The following SLC35A3 variants were observed in gnomAD, a reference collection of about 807,000 sequenced individuals.
SLC35A3 encodes solute carrier family 35 member A3.
SLC35A3 carries 26 observed loss-of-function variants against 39.0 expected under a neutral mutation model. That is an observed-to-expected ratio of 0.67 (90% CI 0.49 to 0.92). The LOEUF (loss-of-function observed/expected upper bound fraction) is 0.92, where lower values mean the gene tolerates loss of function less well. Ranked by LOEUF, SLC35A3 falls within the 40% of genes least tolerant of loss-of-function variation. The probability of loss-of-function intolerance (pLI) is 0.00; values close to 1 mark genes in which losing one functional copy is unlikely to be tolerated. For synonymous variants in SLC35A3, 135 were observed against 133.1 expected (o/e 1.01, Z -0.10); for missense variants, 299 against 371.6 (o/e 0.80, Z 1.61).
intron 2 of SLC35A3, 26 bp downstream of exon 2, chr1:99,993,767 A>G (rs1340870544): frequency 5.0e-6 from 8 of 1,593,072 alleles, no homozygotes; most frequent in Non-Finnish European, 6.9e-6. Flanking sequence ...TTTTGTTTTT[A>G]ATCAATGCAA....
At chr1:100,005,701 TATG>T (rs1363928327) in intron 3 of SLC35A3, among the ~76,000 whole-genome samples, 2 of 152,224 alleles carry the variant, frequency 1.3e-5, no homozygotes, top group East Asian at 3.8e-4. Context: ...AGTTCTTTTT[TATG>T]ATATCTCTTT....
chr1:100,014,384 C>G (rs571384556), intron 5 of SLC35A3, among the ~76,000 whole-genome samples: 1 of 152,112 alleles, frequency 6.6e-6, no homozygotes, highest in Non-Finnish European at 1.5e-5. Context: ...CCACACCTAA[C>G]TAATTTAAAA....
intron 2 of SLC35A3, among the ~76,000 whole-genome samples, chr1:99,998,698 G>T (rs1384587877): frequency 6.6e-6 from 1 of 152,152 alleles, no homozygotes; most frequent in Non-Finnish European, 1.5e-5. Context: ...GAGAGAGAGC[G>T]CCTGGGTCCC....
chr1:99,996,384 G>C (rs1658398436), intron 2 of SLC35A3, among the ~76,000 whole-genome samples: 3 of 152,106 alleles, frequency 2.0e-5, no homozygotes, highest in Non-Finnish European at 1.5e-5. Flanking sequence ...TAATAGAAAA[G>C]GGGGCAAAGG....
At position 100,027,420 on chromosome 1, in the gene SLC35A3, C is replaced by T; in HGVS notation, c.*4944C>T. 1 of 379,392 alleles carries T rather than the reference C, an allele frequency of 2.6e-6. No individual in the cohort carries two copies. 23.5% of individuals were successfully genotyped at this position (379,392 alleles called of 1,614,324 possible). ...TAAACCATGATGACACTACTGGACT[C>T]TAGCCTGAGTGACAGTGAGACTCTG... On this transcript the variant is annotated 3_prime_UTR_variant, in exon 8 of 8. Coordinates refer to ENST00000533028, the MANE Select transcript of SLC35A3 (RefSeq NM_012243.3).
At chr1:100,017,554 A>C in intron 6 of SLC35A3, 128 bp from the exon 7 acceptor site, 1 of 557,112 alleles carries the variant, frequency 1.8e-6, no homozygotes, top group Admixed American at 3.9e-5. Context: ...GAGATGTTTA[A>C]AATAAATCCC....
Position 99,980,912 on chromosome 1 carries a change from G to A in SLC35A3, c.-19+10750G>A, listed in dbSNP as rs138743345. Reference sequence around the variant, plus strand: ...TGAAAAAGGTTTTTGGATTTTCCACGAGATTATTATGGATTTCAAGTACAA... The same window carrying A: ...TGAAAAAGGTTTTTGGATTTTCCACAAGATTATTATGGATTTCAAGTACAA... On this transcript the variant is annotated intron_variant, in intron 1 of 7. Transcript: ENST00000533028. Among the ~76,000 whole-genome samples, 390 of 152,198 alleles carry A rather than the reference G, an allele frequency of 2.6e-3. 1 individual carries two copies. The highest frequency in any genetic ancestry group is 8.6e-3 in the African/African-American group (356 of 41,516).
chr1:100,025,087 C>A lies in SLC35A3; in HGVS notation c.*2611C>A. ...CCAAGCAAACTTTCTGGATGCCCAA[C>A]ATGATTTTCAGTAACCACCCTTTAG... is the stretch of plus-strand genomic sequence containing the variant. On this transcript the variant is annotated 3_prime_UTR_variant, in exon 8 of 8. Transcript: ENST00000533028. 1 of 169,644 alleles carries A rather than the reference C, an allele frequency of 5.9e-6. No homozygotes were observed. The highest frequency in any genetic ancestry group is 1.2e-5 in the Non-Finnish European group (1 of 80,072). 10.5% of individuals were successfully genotyped at this position (169,644 alleles called of 1,614,324 possible).
intron 4 of SLC35A3, chr1:100,009,087 T>C (rs1659444284): frequency 6.6e-6 from 1 of 152,238 alleles, no homozygotes; most frequent in Admixed American, 6.5e-5. Context: ...ACTGAGTACT[T>C]ATGTGCCAGG....
chr1:100,009,338 A>C (rs1297705905), intron 4 of SLC35A3: 1 of 152,228 alleles, frequency 6.6e-6, no homozygotes, highest in Non-Finnish European at 1.5e-5. Context: ...GTTAAAAAAA[A>C]TACAGATGTC....
intron 1 of SLC35A3, among the ~76,000 whole-genome samples, chr1:99,973,433 A>T (rs919795383): frequency 6.6e-6 from 1 of 152,200 alleles, no homozygotes; most frequent in Admixed American, 6.5e-5. Flanking sequence ...TTAATGAAGG[A>T]GTGTAGTGGT....
At chr1:99,985,956 C>T (rs1347009816) in intron 1 of SLC35A3, among the ~76,000 whole-genome samples, 1 of 152,022 alleles carries the variant, frequency 6.6e-6, no homozygotes, top group African/African-American at 2.4e-5. Context: ...TTTATCAGTT[C>T]TAGGAGCTTT....
rs1430143326 is a variant in SLC35A3, at chr1:100,031,799, T to C, written c.*9323T>C. ...TAAAATCAAGGTTAATGCTTTGTAT[T>C]TGATTGTCTCCTTTGGTCTTGAAGT... On this transcript the variant is annotated 3_prime_UTR_variant, in exon 8 of 8. Transcript: ENST00000533028. The C allele has an allele frequency of 6.6e-6, 1 of 152,216 alleles. No homozygotes were observed. The highest frequency in any genetic ancestry group is 2.4e-5 in the African/African-American group (1 of 41,460). The allele number at this position is 152,216 out of a possible 1,614,324, so 9.4% of individuals were successfully genotyped here.
Position 99,970,702 on chromosome 1 carries a change from A to G in SLC35A3, c.-19+540A>G, listed in dbSNP as rs550869174. ...AGTGGGGTGAGATTCTCATCAGAAC[A>G]GGTGTGTGGGTGCATTGCTTTATAG... is the stretch of plus-strand genomic sequence containing the variant. On this transcript the variant is annotated intron_variant, in intron 1 of 7. Coordinates refer to ENST00000533028, the MANE Select transcript of SLC35A3 (RefSeq NM_012243.3). 5 of 1,218,544 alleles carry G rather than the reference A, an allele frequency of 4.1e-6. No homozygotes were observed. The South Asian group carries it at 5.2e-5, about 13-fold the overall frequency. The allele number at this position is 1,218,544 out of a possible 1,614,324, so 75.5% of individuals were successfully genotyped here.
chr1:100,022,264 T>A, intron 7 of SLC35A3, 122 bp from the exon 8 acceptor site: 1 of 567,758 alleles, frequency 1.8e-6, no homozygotes, highest in South Asian at 2.5e-5. Flanking sequence ...CAAGATTTGT[T>A]AGCCGTGTTA....
chr1:99,985,511 ATTTGTTCTT>A (rs1657697717), intron 1 of SLC35A3, among the ~76,000 whole-genome samples: 3 of 151,950 alleles, frequency 2.0e-5, no homozygotes, highest in African/African-American at 7.3e-5. Context: ...ATACCTCCAG[ATTTGTTCTT>A]TTTGCTTAGT....
intron 6 of SLC35A3, chr1:100,015,634 TAAATGTA>T (rs1660045708): frequency 1.4e-5 from 6 of 438,014 alleles, no homozygotes; most frequent in Non-Finnish European, 2.3e-5. Context: ...TTTGTGGTTT[TAAATGTA>T]ACATAATGAA....
intron 7 of SLC35A3, among the ~76,000 whole-genome samples, chr1:100,021,886 C>T (rs1652028693): frequency 6.6e-6 from 1 of 152,142 alleles, no homozygotes; most frequent in Admixed American, 6.5e-5. Context: ...TTAAACTAAA[C>T]TTTACCTTGG....
At position 100,030,832 on chromosome 1, in the gene SLC35A3, T is replaced by C. The variant is rs1051323257; in HGVS notation, c.*8356T>C. 1 of 152,224 alleles carries C rather than the reference T, an allele frequency of 6.6e-6. No homozygotes were observed. Among genetic ancestry groups the C allele is most frequent in the African/African-American group, 2.4e-5 (1 of 41,464 alleles). The allele number at this position is 152,224 out of a possible 1,614,324, so 9.4% of individuals were successfully genotyped here. ...ATGATGATGCTAAGTGCTTTTTTAATATATGCATGCTGCTTCAATAGGTCT... is the reference window on the plus strand; with the variant it reads ...ATGATGATGCTAAGTGCTTTTTTAACATATGCATGCTGCTTCAATAGGTCT... On this transcript the variant is annotated 3_prime_UTR_variant, in exon 8 of 8. Transcript: ENST00000533028.
Sources: allele counts gnomAD v4.1 joint callset (sites outside exome capture counted in the v4.1 genomes callset), GRCh38; gene constraint gnomAD v4.1.1; transcripts MANE v1.5; gene names NCBI Gene and HGNC (gene_info 2026-07-23, HGNC 2026-07-21).